The following EGLN1 variants were observed in gnomAD, a reference collection of about 807,000 sequenced individuals.
The protein encoded by EGLN1 is egl-9 family hypoxia inducible factor 1.
A neutral mutation model predicts 38.3 loss-of-function variants in EGLN1; 17 were observed. The observed-to-expected ratio is 0.44, with a 90% CI of 0.30 to 0.67. The LOEUF (loss-of-function observed/expected upper bound fraction) is 0.67, where lower values mean the gene tolerates loss of function less well. Among genes scored for constraint, EGLN1 ranks in the 30% least tolerant of loss-of-function variants. EGLN1 has a pLI of 0.08. For missense variants in EGLN1, 477 were observed against 603.3 expected (o/e 0.79, Z 2.19); for synonymous variants, 283 against 257.5 (o/e 1.10, Z -0.95).
intron 2 of EGLN1, among the ~76,000 whole-genome samples, chr1:231,372,317 C>A (rs1687847390): frequency 6.6e-6 from 1 of 152,224 alleles, no homozygotes; most frequent in African/African-American, 2.4e-5. Context: ...ACAACTGACA[C>A]ACTACATATT....
chr1:231,370,428 A>C (rs1009959306), intron 3 of EGLN1, 134 bp downstream of exon 3: 11 of 935,366 alleles, frequency 1.2e-5, no homozygotes, highest in Non-Finnish European at 1.9e-5. Context: ...AATCTTATAC[A>C]ATTATTCAAA....
Position 231,366,564 on chromosome 1 carries a change from T to C in EGLN1, c.1217-89A>G, listed in dbSNP as rs1435166. On this transcript the variant is annotated intron_variant, in intron 4 of 4. Coordinates refer to ENST00000366641, the MANE Select transcript of EGLN1 (RefSeq NM_022051.3). ...GCATTCCACTGAATTCCTAAGAGTA[T>C]GGACAATATTTCAACTTTGCAAACA... 805,600 of 1,308,554 alleles carry C rather than the reference T, an allele frequency of 0.62. 253,541 individuals are homozygous for C. Among genetic ancestry groups the C allele is most frequent in the Middle Eastern group, 0.67 (3,642 of 5,476 alleles). 81.1% of individuals were successfully genotyped at this position (1,308,554 alleles called of 1,614,324 possible).
intron 1 of EGLN1, among the ~76,000 whole-genome samples, chr1:231,395,632 A>C (rs924235240): frequency 1.3e-5 from 2 of 152,226 alleles, no homozygotes; most frequent in Non-Finnish European, 2.9e-5. Context: ...CTAATACAGC[A>C]ATCTAATGAC....
chr1:231,421,078 G>A lies in EGLN1; in HGVS notation c.811C>T (p.Leu271=), dbSNP rs768643446. 8 of 1,614,188 alleles carry A rather than the reference G, an allele frequency of 5.0e-6. No individual in the cohort carries two copies. The highest frequency in any genetic ancestry group is 1.6e-4 in the Middle Eastern group (1 of 6,062). ...AGGTCGTCCATGCTGCTCATGAGCA[G>A]CCCAATGGTTTCGCAGCCGGGCTCC... ...GKEPGCETIG[L]LMSSMDDLIR... Residue 271 remains leucine (L), a synonymous_variant, in exon 1 of 5, where the codon CTG becomes TTG. Transcript: ENST00000366641. This position sits in a 1 kb window ranked among gnomAD's most constrained non-coding sequence, Gnocchi z 5.5.
rs1558387104 is a variant in EGLN1, at chr1:231,391,088, T to TGTGTG, written c.892-16990_892-16989insCACAC. On this transcript the variant is annotated intron_variant, in intron 1 of 4. Transcript: ENST00000366641. ...TGAGACAGGGAACTCATTCTGTTTT[T>TGTGTG]TTTTTGTGTGTGTGTGTGTGTGTGT... Among the ~76,000 whole-genome samples, 109 of 34,728 alleles carry TGTGTG rather than the reference T, an allele frequency of 3.1e-3. 9 individuals are homozygous for TGTGTG. The highest frequency in any genetic ancestry group is 7.1e-3 in the African/African-American group (99 of 14,030). 22.8% of individuals were successfully genotyped at this position (34,728 alleles called of 152,430 possible).
chr1:231,394,382 C>CT lies in EGLN1; in HGVS notation c.892-20284dup, dbSNP rs35843267. Among the ~76,000 whole-genome samples, 293 of 136,606 alleles carry CT rather than the reference C, an allele frequency of 2.1e-3. 6 individuals are homozygous for CT. The highest frequency in any genetic ancestry group is 3.9e-3 in the African/African-American group (144 of 37,202). The allele number at this position is 136,606 out of a possible 152,430, so 89.6% of individuals were successfully genotyped here. A position where few individuals can be genotyped will look rare whatever the true frequency, so the allele number is the denominator to read the frequency against. ...AGCCATTATTTTAGTCCCAATTTTC[C>CT]TTTTTTTTTTTTTTGAGACGGAGTC... is the stretch of plus-strand genomic sequence containing the variant. On this transcript the variant is annotated intron_variant, in intron 1 of 4. Transcript: ENST00000366641.
intron 1 of EGLN1, among the ~76,000 whole-genome samples, chr1:231,415,115 T>C (rs969406689): frequency 6.6e-6 from 1 of 151,770 alleles, no homozygotes; most frequent in African/African-American, 2.4e-5. Context: ...TACAAAAAAA[T>C]TTAAGAAATT....
chr1:231,371,617 AAGGATTATTAT>A (rs1299957937), intron 2 of EGLN1, among the ~76,000 whole-genome samples: 1 of 152,128 alleles, frequency 6.6e-6, no homozygotes, highest in Non-Finnish European at 1.5e-5. Context: ...TCTACCCATA[AAGGATTATTAT>A]TTACCTAAAC....
chr1:231,387,253 ACACCCC>A (rs1688239504), intron 1 of EGLN1, among the ~76,000 whole-genome samples: 1 of 151,328 alleles, frequency 6.6e-6, no homozygotes, highest in Non-Finnish European at 1.5e-5. Context: ...ACACACACAC[ACACCCC>A]CCTAATTAAA....
intron 1 of EGLN1, among the ~76,000 whole-genome samples, chr1:231,401,360 C>T (rs371916119): frequency 9.9e-5 from 15 of 152,128 alleles, no homozygotes; most frequent in Admixed American, 9.8e-4. Flanking sequence ...GTAGAAAGAG[C>T]ACCTAATAGT....
chr1:231,386,722 A>C (rs1328605885), intron 1 of EGLN1, among the ~76,000 whole-genome samples: 2 of 152,220 alleles, frequency 1.3e-5, no homozygotes, highest in Non-Finnish European at 2.9e-5. Context: ...TTAATGATTT[A>C]CCTTGAGAGA....
chr1:231,421,151 G>A lies in EGLN1; in HGVS notation c.738C>T (p.Asp246=). 1.2e-6 allele frequency: 2 copies of A among 1,614,194 alleles called. No individual in the cohort carries two copies. The highest frequency in any genetic ancestry group is 1.7e-6 in the Non-Finnish European group (2 of 1,180,032). The change falls in exon 1 of 5, where the codon GAC becomes GAT. Residue 246 remains aspartate (D), a synonymous_variant. Coordinates refer to ENST00000366641, the MANE Select transcript of EGLN1 (RefSeq NM_022051.3). The surrounding 1 kb of genome is among the most constrained non-coding windows in gnomAD (Gnocchi z 5.5). ...TATCGCCTCGGATGTCCTTGGACGA[G>A]TCACTCTTCTGGCTGACCAGCTGCC... The part of the protein sequence containing the change: ...TDGQLVSQKS[D]SSKDIRGDKI...
At chr1:231,378,908 C>T (rs1688018381) in intron 1 of EGLN1, among the ~76,000 whole-genome samples, 1 of 152,166 alleles carries the variant, frequency 6.6e-6, no homozygotes, top group Non-Finnish European at 1.5e-5. Context: ...AAGCACTATG[C>T]TTTGACATAG....
chr1:231,417,811 C>T (rs556312801), intron 1 of EGLN1, among the ~76,000 whole-genome samples: 1 of 152,224 alleles, frequency 6.6e-6, no homozygotes, highest in East Asian at 1.9e-4. Context: ...AAAACAAAGC[C>T]TACACTGAAT....
At chr1:231,381,894 G>C (rs1558382966) in intron 1 of EGLN1, among the ~76,000 whole-genome samples, 1 of 152,170 alleles carries the variant, frequency 6.6e-6, no homozygotes, top group Admixed American at 6.5e-5. Context: ...GGAAGACAGA[G>C]CAACCTCTCT....
At position 231,371,035 on chromosome 1, in the gene EGLN1, A is replaced by G. The variant is rs1227296878; in HGVS notation, c.1012-337T>C. 3.3e-5 allele frequency among the ~76,000 whole-genome samples: 5 copies of G among 152,152 alleles called. No individual in the cohort carries two copies. The South Asian group carries it at 6.2e-4, about 19-fold the overall frequency. Reference sequence around the variant, plus strand: ...ATCGCGAGTAGCTGGGATTACAGGCATGCGCCACCATGTCCAGCTAATTTT... The same window carrying G: ...ATCGCGAGTAGCTGGGATTACAGGCGTGCGCCACCATGTCCAGCTAATTTT... On this transcript the variant is annotated intron_variant, in intron 2 of 4. Coordinates refer to ENST00000366641, the MANE Select transcript of EGLN1 (RefSeq NM_022051.3).
In EGLN1 at chr1:231,365,305, T is replaced by G. The variant is rs1478858724; in HGVS notation, c.*1106A>C. On this transcript the variant is annotated 3_prime_UTR_variant, in exon 5 of 5. Transcript: ENST00000366641. ...AAGGAAAAGACTTAGAAATGGGACA[T>G]TATTGTCTACATCTAGAGGATACAT... 6.6e-6 allele frequency: 1 copy of G among 152,174 alleles called. No individual in the cohort carries two copies. Among genetic ancestry groups the G allele is most frequent in the African/African-American group, 2.4e-5 (1 of 41,446 alleles). The allele number at this position is 152,174 out of a possible 1,614,324, so 9.4% of individuals were successfully genotyped here. A position where few individuals can be genotyped will look rare whatever the true frequency, so the allele number is the denominator to read the frequency against.
rs1452204943 is a variant in EGLN1 at position 231,391,086 on chromosome 1, TTTTTTTTGTGTGTGTGTG to T, written c.892-17005_892-16988del. ...TGTGAGACAGGGAACTCATTCTGTT[TTTTTTTTGTGTGTGTGTG>T]TGTGTGTGTGTGTGTGTGTGTGTGT... On this transcript the variant is annotated intron_variant, in intron 1 of 4. Coordinates refer to ENST00000366641, the MANE Select transcript of EGLN1 (RefSeq NM_022051.3). 1.2e-3 allele frequency among the ~76,000 whole-genome samples: 43 copies of T among 34,442 alleles called. 1 individual carries two copies. The highest frequency in any genetic ancestry group is 3.1e-3 in the African/African-American group (43 of 13,774). The allele number at this position is 34,442 out of a possible 152,430, so 22.6% of individuals were successfully genotyped here.
intron 1 of EGLN1, among the ~76,000 whole-genome samples, chr1:231,397,496 T>C (rs1688560191): frequency 6.6e-6 from 1 of 152,248 alleles, no homozygotes; most frequent in Admixed American, 6.5e-5. Flanking sequence ...AAAATTTTAC[T>C]GGAACACAGT....
Sources: gnomAD v4.1 joint callset for allele counts (sites outside exome capture counted in the v4.1 genomes callset) on GRCh38, gnomAD v4.1.1 for gene constraint, Gnocchi (gnomAD v3.1) non-coding constraint, MANE v1.5 for transcripts, NCBI Gene and HGNC (gene_info 2026-07-23, HGNC 2026-07-21) for gene names.